The following NOVA1 variants were observed in gnomAD, a reference collection of about 807,000 sequenced individuals.
NOVA1 encodes the protein NOVA alternative splicing regulator 1.
In NOVA1, 7 loss-of-function variants were observed where a neutral mutation model predicts 38.0. That is an observed-to-expected ratio of 0.18 (90% CI 0.10 to 0.35). NOVA1 has a LOEUF of 0.35. Ranked by LOEUF, NOVA1 falls within the 10% of genes least tolerant of loss-of-function variation. The probability of loss-of-function intolerance (pLI) is 1.00; values close to 1 mark genes in which losing one functional copy is unlikely to be tolerated. For missense variants in NOVA1, 460 were observed against 616.0 expected, an observed-to-expected ratio of 0.75 and a Z score of 2.68; for synonymous variants, 270 against 232.5, an observed-to-expected ratio of 1.16 and a Z score of -1.47.
chr14:26,559,226 T>C (rs1891672276), intron 2 of NOVA1, among the ~76,000 whole-genome samples: 1 of 152,122 alleles, frequency 6.6e-6, no homozygotes, highest in South Asian at 2.1e-4. Context: ...AGAGAAATAG[T>C]AATCAAGTTT....
intron 2 of NOVA1, among the ~76,000 whole-genome samples, chr14:26,499,392 T>A (rs1479529552): frequency 6.6e-6 from 1 of 152,112 alleles, no homozygotes; most frequent in Non-Finnish European, 1.5e-5. Flanking sequence ...CATAAAACAA[T>A]GTGAATTTGT....
rs143497058 is a variant in NOVA1 at position 26,448,633 on chromosome 14, C to T, written c.850G>A (p.Ala284Thr). The T allele has an allele frequency of 1.2e-6, 2 of 1,614,132 alleles. No homozygotes were observed. The highest frequency in any genetic ancestry group is 1.7e-6 in the Non-Finnish European group (2 of 1,180,054). Residue 284 changes from alanine to threonine, a missense_variant, in exon 5 of 5, where the codon GCA becomes ACA. Physicochemically the swap from Ala to Thr is moderately conservative, Grantham distance 58 (BLOSUM62 0). Coordinates refer to ENST00000539517, the MANE Select transcript of NOVA1 (RefSeq NM_002515.3). This position sits in a 1 kb window ranked among gnomAD's most constrained non-coding sequence, Gnocchi z 5.3. ...NTAEVLPTAA[A>T]AAGLLGHANL... ...GCATGTCCTAATAGCCCTGCAGCTG[C>T]TGCAGCAGTTGGTAACACTTCAGCA... is the stretch of plus-strand genomic sequence containing the variant.
chr14:26,505,394 G>A (rs1322583959), intron 2 of NOVA1, among the ~76,000 whole-genome samples: 1 of 151,894 alleles, frequency 6.6e-6, no homozygotes, highest in Non-Finnish European at 1.5e-5. Context: ...CTAAGTGTGT[G>A]GCTCTTCCCA....
At chr14:26,568,004 G>A (rs1296389507) in intron 2 of NOVA1, among the ~76,000 whole-genome samples, 1 of 152,088 alleles carries the variant, frequency 6.6e-6, no homozygotes, top group Non-Finnish European at 1.5e-5. Flanking sequence ...TGATAGGACT[G>A]ATAAAGGATA....
rs371324565 is a variant in NOVA1, at chr14:26,555,477, C to T, written c.280+39933G>A. On this transcript the variant is annotated intron_variant, in intron 2 of 4. Coordinates refer to ENST00000539517, the MANE Select transcript of NOVA1 (RefSeq NM_002515.3). ...TAAATTATGACATGTATATTCAACA[C>T]ATATTTTATCAGTCATTCCTTCTCA... 2.6e-5 allele frequency among the ~76,000 whole-genome samples: 4 copies of T among 152,060 alleles called. No individual in the cohort carries two copies. In the South Asian group the frequency reaches 6.2e-4, roughly 24 times the overall value.
chr14:26,476,377 T>C (rs1405022929), intron 3 of NOVA1, among the ~76,000 whole-genome samples: 4 of 152,194 alleles, frequency 2.6e-5, no homozygotes, highest in East Asian at 1.9e-4. Context: ...AGGAAAATGT[T>C]TGGCAAATCT....
At position 26,448,079 on chromosome 14, in the gene NOVA1, C is replaced by T; in HGVS notation, c.1404G>A (p.Arg468=). The T allele has an allele frequency of 6.2e-7, 1 of 1,614,180 alleles. No homozygotes were observed. The highest frequency in any genetic ancestry group is 8.5e-7 in the Non-Finnish European group (1 of 1,180,036). The change falls in exon 5 of 5, where the codon AGG becomes AGA. Residue 468 remains arginine (R), a synonymous_variant. Transcript: ENST00000539517. The surrounding 1 kb of genome is among the most constrained non-coding windows in gnomAD (Gnocchi z 5.3). ...SKKGEFVPGT[R]NRKVTITGTP... ...TTCCAGTAATGGTTACCTTCCGATT[C>T]CTTGTGCCAGGTACGAATTCTCCTT... is the stretch of plus-strand genomic sequence containing the variant.
chr14:26,494,557 T>C (rs1438024803), intron 2 of NOVA1, among the ~76,000 whole-genome samples: 1 of 152,208 alleles, frequency 6.6e-6, no homozygotes, highest in Non-Finnish European at 1.5e-5. Context: ...AGTGCTATAG[T>C]ATTATGGCAT....
chr14:26,453,461 T>C (rs187221708), intron 4 of NOVA1, among the ~76,000 whole-genome samples: 157 of 152,200 alleles, frequency 1.0e-3, no homozygotes, highest in Middle Eastern at 0.01. Flanking sequence ...AAAGATAAGA[T>C]TAACAATATA....
At position 26,472,307 on chromosome 14, in the gene NOVA1, G is replaced by C; in HGVS notation, c.519+13C>G. The C allele has an allele frequency of 2.0e-6, 3 of 1,525,708 alleles. No homozygotes were observed. The highest frequency in any genetic ancestry group is 2.7e-6 in the Non-Finnish European group (3 of 1,101,556). The allele number at this position is 1,525,708 out of a possible 1,614,324, so 94.5% of individuals were successfully genotyped here. The stretch of plus-strand genomic sequence containing the variant: ...GTGAAAAGTATGGTGTAGATGACAG[G>C]ATGATACTGTACCTGATTAGCTCTG... On this transcript the variant is annotated intron_variant, in intron 4 of 4. Transcript: ENST00000539517.
chr14:26,584,250 C>T (rs1893388845), intron 2 of NOVA1, among the ~76,000 whole-genome samples: 1 of 151,264 alleles, frequency 6.6e-6, no homozygotes, highest in Non-Finnish European at 1.5e-5. Flanking sequence ...TTCCCTTTGC[C>T]TTTTCCTTTC....
chr14:26,500,333 A>G (rs1246898782), intron 2 of NOVA1, among the ~76,000 whole-genome samples: 2 of 152,136 alleles, frequency 1.3e-5, no homozygotes, highest in Non-Finnish European at 1.5e-5. Context: ...ATGAAAGAAT[A>G]AATAGATGGC....
Position 26,510,366 on chromosome 14 carries a change from C to A in NOVA1, c.281-30223G>T, listed in dbSNP as rs1232226278. On this transcript the variant is annotated intron_variant, in intron 2 of 4. Transcript: ENST00000539517. ...TAGAAGATAAAACTATCTATTGTTT[C>A]CAAACATAATGTCCTGGGTACAAAT... Among the ~76,000 whole-genome samples the A allele has an allele frequency of 2.0e-5, 3 of 151,928 alleles. No homozygotes were observed. In the South Asian group the frequency reaches 6.2e-4, roughly 32 times the overall value.
Position 26,447,811 on chromosome 14 carries a change from T to C in NOVA1, c.*148A>G. The C allele has an allele frequency of 1.6e-6, 1 of 643,148 alleles. No individual in the cohort carries two copies. The highest frequency in any genetic ancestry group is 2.7e-6 in the Non-Finnish European group (1 of 366,968). 39.8% of individuals were successfully genotyped at this position (643,148 alleles called of 1,614,324 possible). On this transcript the variant is annotated 3_prime_UTR_variant, in exon 5 of 5. Transcript: ENST00000539517. ...AACATCTGGTAAAACACATATTATT[T>C]ACATATACACATTGTCAACATAGTC...
chr14:26,552,304 A>G (rs931016675), intron 2 of NOVA1, among the ~76,000 whole-genome samples: 1 of 152,122 alleles, frequency 6.6e-6, no homozygotes, highest in Admixed American at 6.5e-5. Context: ...CACAGGACCA[A>G]TTATGTTAAG....
intron 2 of NOVA1, among the ~76,000 whole-genome samples, chr14:26,519,956 T>C (rs1888753304): frequency 6.6e-6 from 1 of 152,230 alleles, no homozygotes; most frequent in Non-Finnish European, 1.5e-5. Context: ...TTGGTTTGCA[T>C]TATTCAAGGT....
chr14:26,544,740 G>A (rs1439740324), intron 2 of NOVA1, among the ~76,000 whole-genome samples: 1 of 152,062 alleles, frequency 6.6e-6, no homozygotes, highest in Non-Finnish European at 1.5e-5. Context: ...AGCAGCAGCA[G>A]AGAAGCAAGA....
chr14:26,484,966 C>A (rs1594378900), intron 2 of NOVA1, among the ~76,000 whole-genome samples: 6 of 151,454 alleles, frequency 4.0e-5, no homozygotes, highest in Admixed American at 3.9e-4. Context: ...AACGAACAAA[C>A]CCTGCCTTCA....
chr14:26,513,380 A>G (rs1888234285), intron 2 of NOVA1, among the ~76,000 whole-genome samples: 1 of 151,900 alleles, frequency 6.6e-6, no homozygotes, highest in Non-Finnish European at 1.5e-5. Flanking sequence ...TACAACTGGC[A>G]TTACATGCAA....
Sources: allele counts gnomAD v4.1 joint callset (sites outside exome capture counted in the v4.1 genomes callset), GRCh38; gene constraint gnomAD v4.1.1; non-coding constraint Gnocchi (gnomAD v3.1); transcripts MANE v1.5; gene names NCBI Gene and HGNC (gene_info 2026-07-23, HGNC 2026-07-21).